The following ATG4B variants were observed in gnomAD, a reference collection of about 807,000 sequenced individuals.
The protein encoded by ATG4B is cysteine protease ATG4B.
Under a neutral mutation model 56.6 loss-of-function variants are expected in ATG4B, and 29 were observed. The observed-to-expected ratio is 0.51, with a 90% CI of 0.38 to 0.70. The LOEUF is 0.70. Among genes scored for constraint, ATG4B ranks in the 30% least tolerant of loss-of-function variants. The pLI is 0.00. For missense variants in ATG4B, 461 were observed against 515.5 expected (o/e 0.89, Z 1.02); for synonymous variants, 224 against 206.1 (o/e 1.09, Z -0.74).
rs1390497095 is a variant in ATG4B, at chr2:241,659,382, G to A, written c.538+195G>A. On this transcript the variant is annotated intron_variant, in intron 7 of 12. Transcript: ENST00000404914. ...TCCTATCCCGGCGGTCATACCAAGAGAGGAGAGCCCAGGCTGTCTGGAGGC... is the reference window on the plus strand; with the variant it reads ...TCCTATCCCGGCGGTCATACCAAGAAAGGAGAGCCCAGGCTGTCTGGAGGC... The A allele has an allele frequency of 1.8e-5, 12 of 668,194 alleles. No homozygotes were observed. The East Asian group carries it at 3.6e-4, about 20-fold the overall frequency. 41.4% of individuals were successfully genotyped at this position (668,194 alleles called of 1,614,324 possible).
rs576748960 is a variant in ATG4B, at chr2:241,653,413, G to T, written c.185-99G>T. On this transcript the variant is annotated intron_variant, in intron 3 of 12. Transcript: ENST00000404914. ...GGAGCTGATGGAGGAGGGAGTCGGT[G>T]CCTGTGGTGTGGGACTGACCGGCTG... 8 of 1,551,448 alleles carry T rather than the reference G, an allele frequency of 5.2e-6. No homozygotes were observed. The South Asian group carries it at 9.5e-5, about 18-fold the overall frequency.
chr2:241,645,950 C>T (rs939918253), intron 1 of ATG4B, among the ~76,000 whole-genome samples: 2 of 152,124 alleles, frequency 1.3e-5, no homozygotes, highest in Admixed American at 6.5e-5. Context: ...TCACGTTCGC[C>T]GTGGCTGCGC....
At chr2:241,648,943 C>T (rs2068146251) in intron 1 of ATG4B, among the ~76,000 whole-genome samples, 3 of 152,216 alleles carry the variant, frequency 2.0e-5, no homozygotes, top group South Asian at 2.1e-4. Context: ...TCTGAGTCCT[C>T]GATGTTAATG....
Position 241,651,856 on chromosome 2 carries a change from GTAACAC to G in ATG4B, c.184+525_184+530del. The G allele has an allele frequency of 7.8e-7, 1 of 1,281,346 alleles. No individual in the cohort carries two copies. The highest frequency in any genetic ancestry group is 1.0e-6 in the Non-Finnish European group (1 of 968,384). 79.4% of individuals were successfully genotyped at this position (1,281,346 alleles called of 1,614,324 possible). On this transcript the variant is annotated intron_variant, in intron 3 of 12. Coordinates refer to ENST00000404914, the MANE Select transcript of ATG4B (RefSeq NM_013325.5). The surrounding 1 kb of genome is among the most constrained non-coding windows in gnomAD (Gnocchi z 4.1). ...CCAGGTGAATGTGACATGTTTTTAT[GTAACAC>G]TAAGGTGCATTCTGTTAAAAGCCAT...
intron 1 of ATG4B, among the ~76,000 whole-genome samples, chr2:241,645,828 C>G (rs904523136): frequency 6.6e-6 from 1 of 151,974 alleles, no homozygotes; most frequent in African/African-American, 2.4e-5. Flanking sequence ...ATGTATGACT[C>G]GCTCCCAACA....
rs538515188 is a variant in ATG4B, at chr2:241,668,695, G to A, written c.957+10G>A. 5 of 1,564,478 alleles carry A rather than the reference G, an allele frequency of 3.2e-6. No homozygotes were observed. Among genetic ancestry groups the A allele is most frequent in the South Asian group, 2.4e-5 (2 of 85,058 alleles). The stretch of plus-strand genomic sequence containing the variant: ...CCCGTCCATCGCTGTGGTACGTGGC[G>A]GCCACCTGAGCACACAGGCATTTGG... On this transcript the variant is annotated intron_variant, in intron 10 of 12. Coordinates refer to ENST00000404914, the MANE Select transcript of ATG4B (RefSeq NM_013325.5). The surrounding 1 kb of genome is among the most constrained non-coding windows in gnomAD (Gnocchi z 4.2).
intron 6 of ATG4B, chr2:241,655,574 T>C: frequency 1.8e-6 from 1 of 560,834 alleles, no homozygotes; most frequent in Non-Finnish European, 3.2e-6. Flanking sequence ...ATTGGACCCT[T>C]GTTCTTTGCT....
intron 12 of ATG4B, 157 bp from the exon 13 acceptor site, chr2:241,672,034 T>G: frequency 2.4e-5 from 32 of 1,358,586 alleles, no homozygotes; most frequent in East Asian, 9.3e-5. Flanking sequence ...TATTCGCAGG[T>G]CTGCACAACC....
chr2:241,668,386 T>TA lies in ATG4B; in HGVS notation c.812-154_812-153insA. 1 of 1,364,106 alleles carries TA rather than the reference T, an allele frequency of 7.3e-7. No individual in the cohort carries two copies. The highest frequency in any genetic ancestry group is 1.4e-5 in the African/African-American group (1 of 69,252). 84.5% of individuals were successfully genotyped at this position (1,364,106 alleles called of 1,614,324 possible). A position where few individuals can be genotyped will look rare whatever the true frequency, so the allele number is the denominator to read the frequency against. On this transcript the variant is annotated intron_variant, in intron 9 of 12. Coordinates refer to ENST00000404914, the MANE Select transcript of ATG4B (RefSeq NM_013325.5). The surrounding 1 kb of genome is among the most constrained non-coding windows in gnomAD (Gnocchi z 4.2). ...CGCGGGCGGCCTCCTGTGTGCCCCTTTCCCTGATGGTCTGGTGCCCTCGGC... is the reference window on the plus strand; with the variant it reads ...CGCGGGCGGCCTCCTGTGTGCCCCTTATCCCTGATGGTCTGGTGCCCTCGGC...
At chr2:241,639,586 G>A (rs1045218661) in intron 1 of ATG4B, among the ~76,000 whole-genome samples, 1 of 152,176 alleles carries the variant, frequency 6.6e-6, no homozygotes, top group African/African-American at 2.4e-5. Context: ...ACTGACAATC[G>A]AAGGGTGAGG....
chr2:241,647,707 A>G (rs1306168074), intron 1 of ATG4B, among the ~76,000 whole-genome samples: 1 of 151,718 alleles, frequency 6.6e-6, no homozygotes, highest in East Asian at 1.9e-4. Flanking sequence ...TCTGGATTTT[A>G]GTCTATATAT....
intron 3 of ATG4B, 133 bp from the exon 4 acceptor site, chr2:241,653,379 G>T (rs1338918681): frequency 6.4e-7 from 1 of 1,550,634 alleles, no homozygotes; most frequent in South Asian, 1.2e-5. Context: ...GGTGTGTGTT[G>T]CCCCAGGTGG....
At chr2:241,643,496 G>A (rs941846776) in intron 1 of ATG4B, among the ~76,000 whole-genome samples, 3 of 145,974 alleles carry the variant, frequency 2.1e-5, no homozygotes, top group East Asian at 2.0e-4. Context: ...CATGAGCCAC[G>A]GCACCTGGCC....
chr2:241,638,103 G>C (rs2067737205), intron 1 of ATG4B, among the ~76,000 whole-genome samples: 1 of 151,942 alleles, frequency 6.6e-6, no homozygotes, highest in African/African-American at 2.4e-5. Context: ...GTCCGGGCCG[G>C]GGACGCGAGC....
intron 1 of ATG4B, among the ~76,000 whole-genome samples, chr2:241,641,380 C>T (rs2067882347): frequency 6.6e-6 from 1 of 152,084 alleles, no homozygotes; most frequent in South Asian, 2.1e-4. Flanking sequence ...GAAACCCCGT[C>T]GCTACTAAAA....
chr2:241,659,285 G>A, intron 7 of ATG4B, 98 bp downstream of exon 7: 2 of 1,090,728 alleles, frequency 1.8e-6, no homozygotes, highest in Non-Finnish European at 2.8e-6. Context: ...GGCGAGTGTT[G>A]TCAGTCGCCC....
intron 7 of ATG4B, among the ~76,000 whole-genome samples, chr2:241,661,784 C>A (rs2068601515): frequency 6.6e-6 from 1 of 152,114 alleles, no homozygotes; most frequent in Non-Finnish European, 1.5e-5. Context: ...TGTCCACCCC[C>A]AGTCAAAGGC....
intron 1 of ATG4B, among the ~76,000 whole-genome samples, chr2:241,650,684 A>G (rs34038381): frequency 0.031 from 4,656 of 152,102 alleles, 104 homozygotes; most frequent in Middle Eastern, 0.068. Context: ...GTTGGCCCCT[A>G]ACTTGGCCTC....
chr2:241,656,684 C>T (rs1437241593), intron 6 of ATG4B, among the ~76,000 whole-genome samples: 1 of 152,184 alleles, frequency 6.6e-6, no homozygotes, highest in Non-Finnish European at 1.5e-5. Flanking sequence ...AAGCTCAGGT[C>T]CAGCTGCTTA....
Sources: gnomAD v4.1 joint callset for allele counts (sites outside exome capture counted in the v4.1 genomes callset) on GRCh38, gnomAD v4.1.1 for gene constraint, Gnocchi (gnomAD v3.1) non-coding constraint, MANE v1.5 for transcripts, NCBI Gene and HGNC (gene_info 2026-07-23, HGNC 2026-07-21) for gene names.